G3BP2: variants seen among roughly 807,000 people sequenced by gnomAD.
G3BP2 encodes the protein ras GTPase-activating protein-binding protein 2.
G3BP2 carries 11 observed loss-of-function variants against 56.7 expected under a neutral mutation model. That is an observed-to-expected ratio of 0.19 (90% confidence interval 0.12 to 0.32). G3BP2 has a LOEUF of 0.32. G3BP2 is among the 10% of genes least tolerant of loss of function. The probability of loss-of-function intolerance (pLI) is 1.00; values close to 1 mark genes in which losing one functional copy is unlikely to be tolerated. For missense variants in G3BP2, 340 were observed against 610.9 expected, an observed-to-expected ratio of 0.56 and a Z score of 4.67; for synonymous variants, 165 against 191.6, an observed-to-expected ratio of 0.86 and a Z score of 1.15.
chr4:75,700,820 G>C (rs904502229), intron 3 of G3BP2, among the ~76,000 whole-genome samples: 2 of 152,038 alleles, frequency 1.3e-5, no homozygotes, highest in Middle Eastern at 6.8e-3. Context: ...GGGAGAAAAG[G>C]ATTAAACAAA....
intron 2 of G3BP2, among the ~76,000 whole-genome samples, chr4:75,659,435 A>C (rs1206730757): frequency 2.0e-5 from 3 of 152,240 alleles, no homozygotes; most frequent in Non-Finnish European, 4.4e-5. Flanking sequence ...GACCAAGTCT[A>C]AAATCCAAAA....
intron 1 of G3BP2, among the ~76,000 whole-genome samples, chr4:75,668,645 T>C (rs774262702): frequency 1.3e-5 from 2 of 152,158 alleles, no homozygotes; most frequent in Non-Finnish European, 2.9e-5. Context: ...AAAAGTAAGA[T>C]TAGGCCATTC....
chr4:75,657,348 C>A (rs1305498579), intron 4 of G3BP2, among the ~76,000 whole-genome samples: 2 of 152,174 alleles, frequency 1.3e-5, no homozygotes, highest in Non-Finnish European at 2.9e-5. Context: ...TAATCTTAAT[C>A]ATCTATTTAC....
At chr4:75,684,741 G>T (rs915602362) in intron 3 of G3BP2, among the ~76,000 whole-genome samples, 12 of 151,602 alleles carry the variant, frequency 7.9e-5, no homozygotes, top group African/African-American at 2.7e-4. Flanking sequence ...TTGGAAGGGT[G>T]GATATAGGGA....
chr4:75,704,237 T>G (rs1485883952), intron 3 of G3BP2, among the ~76,000 whole-genome samples: 1 of 151,830 alleles, frequency 6.6e-6, no homozygotes, highest in Non-Finnish European at 1.5e-5. Flanking sequence ...CAAGCTGGTC[T>G]TGAACTCCTG....
chr4:75,666,370 T>C (rs1002821136), intron 1 of G3BP2, among the ~76,000 whole-genome samples: 4 of 152,228 alleles, frequency 2.6e-5, no homozygotes, highest in African/African-American at 7.2e-5. Flanking sequence ...TAAACAGGCA[T>C]ATAACAGGTT....
chr4:75,685,455 C>T (rs756330089), intron 3 of G3BP2, among the ~76,000 whole-genome samples: 12 of 147,704 alleles, frequency 8.1e-5, no homozygotes, highest in African/African-American at 2.5e-4. Context: ...GAGCCGAGAT[C>T]GCGTCACTGC....
At chr4:75,645,753 G>C in intron 11 of G3BP2, 51 bp from the exon 12 acceptor site, 1 of 1,512,542 alleles carries the variant, frequency 6.6e-7, no homozygotes, top group Non-Finnish European at 9.1e-7. Flanking sequence ...GACAGCAATA[G>C]AAATGATTAC....
At chr4:75,694,907 A>C (rs1252380406) in intron 3 of G3BP2, 1 of 985,528 alleles carries the variant, frequency 1.0e-6, no homozygotes, top group Non-Finnish European at 1.2e-6. Flanking sequence ...TTTGGACAGG[A>C]AGCGATAAGG....
intron 3 of G3BP2, among the ~76,000 whole-genome samples, chr4:75,681,832 G>C (rs1396749668): frequency 7.1e-6 from 1 of 141,420 alleles, no homozygotes; most frequent in Admixed American, 7.5e-5. Flanking sequence ...CTGGGCAACA[G>C]AGCAAGACTC....
intron 3 of G3BP2, among the ~76,000 whole-genome samples, chr4:75,692,518 G>A (rs1421837982): frequency 6.6e-6 from 1 of 151,970 alleles, no homozygotes; most frequent in Non-Finnish European, 1.5e-5. Flanking sequence ...CACCATATTG[G>A]ACAGGCTGGT....
intron 3 of G3BP2, among the ~76,000 whole-genome samples, chr4:75,708,640 C>T (rs1719640462): frequency 2.0e-5 from 3 of 152,134 alleles, no homozygotes; most frequent in Admixed American, 2.0e-4. Flanking sequence ...ATAATATGGT[C>T]CGGTTGAACC....
chr4:75,681,728 A>G (rs1331849627), intron 3 of G3BP2, among the ~76,000 whole-genome samples: 1 of 151,676 alleles, frequency 6.6e-6, no homozygotes, highest in Admixed American at 6.6e-5. Flanking sequence ...GTGTGCCTGT[A>G]GTCCCAGCTA....
chr4:75,658,594 G>A (rs1400211231), intron 3 of G3BP2, among the ~76,000 whole-genome samples: 1 of 151,974 alleles, frequency 6.6e-6, no homozygotes, highest in Non-Finnish European at 1.5e-5. Context: ...GGGTGTGGTG[G>A]TGCATGCCTG....
intron 9 of G3BP2, among the ~76,000 whole-genome samples, chr4:75,647,910 T>G (rs1731352256): frequency 6.6e-6 from 1 of 152,216 alleles, no homozygotes; most frequent in Admixed American, 6.5e-5. Flanking sequence ...ATAAAAGTAT[T>G]ACATGTGTAG....
intron 3 of G3BP2, among the ~76,000 whole-genome samples, chr4:75,715,013 T>C (rs1719882529): frequency 6.6e-6 from 1 of 152,220 alleles, no homozygotes; most frequent in African/African-American, 2.4e-5. Flanking sequence ...ACAGCAAAAT[T>C]AAATAATTTG....
intron 3 of G3BP2, among the ~76,000 whole-genome samples, chr4:75,705,061 G>T (rs1385202765): frequency 6.6e-6 from 1 of 152,036 alleles, no homozygotes; most frequent in East Asian, 1.9e-4. Flanking sequence ...TAGTTCATCG[G>T]CTATCATTAG....
At chr4:75,713,767 C>T (rs749737219) in intron 3 of G3BP2, among the ~76,000 whole-genome samples, 6 of 152,080 alleles carry the variant, frequency 3.9e-5, no homozygotes, top group Non-Finnish European at 5.9e-5. Flanking sequence ...GCAGCCCAGG[C>T]GACACAGTAA....
chr4:75,686,763 AT>A (rs1372013080), intron 3 of G3BP2, among the ~76,000 whole-genome samples: 1 of 152,226 alleles, frequency 6.6e-6, no homozygotes, highest in East Asian at 1.9e-4. Context: ...CTAGAAAAAA[AT>A]AAAATACATT....
Sources: gnomAD v4.1 joint callset for allele counts (sites outside exome capture counted in the v4.1 genomes callset) on GRCh38, gnomAD v4.1.1 for gene constraint, MANE v1.5 for transcripts, NCBI Gene and HGNC (gene_info 2026-07-23, HGNC 2026-07-21) for gene names.